SYT7: variants seen among roughly 807,000 people sequenced by gnomAD.
The protein encoded by SYT7 is synaptotagmin 7.
SYT7 carries 29 observed loss-of-function variants against 75.1 expected under a neutral mutation model. The ratio of observed to expected loss-of-function variants is 0.39; its 90% CI spans 0.29 to 0.53. SYT7 has a LOEUF of 0.53. Ranked by LOEUF, SYT7 falls within the 20% of genes least tolerant of loss-of-function variation. The pLI is 0.77. For missense variants in SYT7, 693 were observed against 953.2 expected, an observed-to-expected ratio of 0.73 and a Z score of 3.59; for synonymous variants, 376 against 401.7, an observed-to-expected ratio of 0.94 and a Z score of 0.76.
upstream of SYT7, among the ~76,000 whole-genome samples, chr11:61,582,448 G>A (rs543357255): frequency 1.3e-5 from 2 of 150,506 alleles, no homozygotes; most frequent in African/African-American, 2.4e-5. Flanking sequence ...AAGTCTCCCC[G>A]ACACACACAC....
chr11:61,556,030 G>T (rs1287216183), intron 2 of SYT7, 74 bp downstream of exon 2: 14 of 1,122,166 alleles, frequency 1.2e-5, no homozygotes, highest in Non-Finnish European at 1.5e-5. Flanking sequence ...GCCTGTAATT[G>T]TGTGTGTGTG....
intron 6 of SYT7, chr11:61,540,890 C>T: frequency 1.0e-6 from 1 of 985,512 alleles, no homozygotes; most frequent in Non-Finnish European, 1.2e-6. Flanking sequence ...ACCGGAGGCT[C>T]TTCTGGGCAT....
chr11:61,533,547 TC>T, intron 7 of SYT7: 1 of 985,412 alleles, frequency 1.0e-6, no homozygotes, highest in South Asian at 4.7e-5. Flanking sequence ...CAGGTGCCTC[TC>T]CGCGTCATTA....
intron 12 of SYT7, among the ~76,000 whole-genome samples, chr11:61,520,813 A>G (rs2062304005): frequency 6.6e-6 from 1 of 152,122 alleles, no homozygotes; most frequent in African/African-American, 2.4e-5. Context: ...ACAGAGTGAG[A>G]CTCTATCTCA....
chr11:61,547,319 A>T lies in SYT7; in HGVS notation c.216-11T>A. 1 of 1,529,680 alleles carries T rather than the reference A, an allele frequency of 6.5e-7. No homozygotes were observed. Among genetic ancestry groups the T allele is most frequent in the African/African-American group, 1.4e-5 (1 of 72,894 alleles). 94.8% of individuals were successfully genotyped at this position (1,529,680 alleles called of 1,614,324 possible). A position where few individuals can be genotyped will look rare whatever the true frequency, so the allele number is the denominator to read the frequency against. On this transcript the variant is annotated splice_polypyrimidine_tract_variant and intron_variant, in intron 3 of 12. Coordinates refer to ENST00000539008, the MANE Select transcript of SYT7 (RefSeq NM_001365809.2). The stretch of plus-strand genomic sequence containing the variant: ...TCTCTGTCTAGATCACTGGAGGGGC[A>T]GAGAGAGAGGGGAGAAAACAGGGAG...
At chr11:61,519,448 C>G (rs994490200) in intron 12 of SYT7, among the ~76,000 whole-genome samples, 4 of 152,164 alleles carry the variant, frequency 2.6e-5, no homozygotes, top group Non-Finnish European at 5.9e-5. Flanking sequence ...GTACATGGGG[C>G]CTTCTATAGG....
Position 61,514,476 on chromosome 11 carries a change from C to G in SYT7, c.*4151G>C, listed in dbSNP as rs916102655. Among the ~76,000 whole-genome samples, 1 of 152,226 alleles carries G rather than the reference C, an allele frequency of 6.6e-6. No individual in the cohort carries two copies. Among genetic ancestry groups the G allele is most frequent in the African/African-American group, 2.4e-5 (1 of 41,454 alleles). On this transcript the variant is annotated 3_prime_UTR_variant, in exon 13 of 13. Transcript: ENST00000539008. The stretch of plus-strand genomic sequence containing the variant: ...CTTCACTCCTGGTGGGGGCAGGGGC[C>G]AGCAGGTGGACACATGACAATGGGG...
chr11:61,587,640 T>C, the SYT7 span, among the ~76,000 whole-genome samples: 3 of 152,182 alleles, frequency 2.0e-5, no homozygotes, highest in African/African-American at 7.2e-5. Flanking sequence ...GCAGAATTCC[T>C]GGGGGGCGGG....
At chr11:61,540,811 T>G (rs1366331460) in intron 6 of SYT7, 6 of 985,294 alleles carry the variant, frequency 6.1e-6, no homozygotes, top group Non-Finnish European at 7.2e-6. Context: ...GCAGACCCAA[T>G]TCCCTCGACT....
At chr11:61,562,505 C>A (rs1490822339) in intron 1 of SYT7, among the ~76,000 whole-genome samples, 1 of 152,188 alleles carries the variant, frequency 6.6e-6, no homozygotes, top group Non-Finnish European at 1.5e-5. Flanking sequence ...TAGCTATTAT[C>A]ATAGCATTAT....
chr11:61,560,694 G>A (rs1164743612), intron 1 of SYT7, among the ~76,000 whole-genome samples: 1 of 152,176 alleles, frequency 6.6e-6, no homozygotes, highest in East Asian at 1.9e-4. Context: ...GTGCAAGCAT[G>A]TTCTCGCCTA....
rs2063057337 is a variant in SYT7, at chr11:61,542,066, G to A, written c.941+145C>T. The A allele has an allele frequency of 1.5e-5, 17 of 1,118,512 alleles. No individual in the cohort carries two copies. The highest frequency in any genetic ancestry group is 2.1e-5 in the Non-Finnish European group (17 of 818,596). 69.3% of individuals were successfully genotyped at this position (1,118,512 alleles called of 1,614,324 possible). ...CAGGCAGGAGCCACAAGAGGCTAAG[G>A]AGGGGGCTGCCAAGTCTGCTTGGCA... On this transcript the variant is annotated intron_variant, in intron 6 of 12. Coordinates refer to ENST00000539008, the MANE Select transcript of SYT7 (RefSeq NM_001365809.2). The surrounding 1 kb of genome is among the most constrained non-coding windows in gnomAD (Gnocchi z 7.8).
intron 5 of SYT7, among the ~76,000 whole-genome samples, chr11:61,543,308 T>C (rs943200799): frequency 6.6e-6 from 1 of 152,056 alleles, no homozygotes; most frequent in East Asian, 1.9e-4. Context: ...CAAGAAAGAG[T>C]GCACACAGGG....
chr11:61,546,186 C>G lies in SYT7; in HGVS notation c.417G>C (p.Leu139=). 1.3e-6 allele frequency: 2 copies of G among 1,519,214 alleles called. No individual in the cohort carries two copies. Among genetic ancestry groups the G allele is most frequent in the Non-Finnish European group, 1.8e-6 (2 of 1,140,360 alleles). 94.1% of individuals were successfully genotyped at this position (1,519,214 alleles called of 1,614,324 possible). ...AGLAVEREGR[L]GEKPAPVPPP... is the part of the protein sequence containing the mutation. ...GCGGCACCGGTGCCGGCTTCTCCCC[C>G]AGCCGGCCTTCCCGCTCCACCGCCA... The change falls in exon 5 of 13, where the codon CTG becomes CTC. Residue 139 remains leucine (L), a synonymous_variant. Transcript: ENST00000539008. This position sits in a 1 kb window ranked among gnomAD's most constrained non-coding sequence, Gnocchi z 7.6.
intron 1 of SYT7, among the ~76,000 whole-genome samples, chr11:61,571,826 G>A (rs2063929474): frequency 6.6e-6 from 1 of 152,212 alleles, no homozygotes; most frequent in African/African-American, 2.4e-5. Flanking sequence ...GAGCTCTCAA[G>A]ACCCTCGAGA....
chr11:61,538,363 G>GAGAC (rs2062938763), intron 6 of SYT7, 97 bp from the exon 7 acceptor site: 2 of 801,704 alleles, frequency 2.5e-6, no homozygotes, highest in Non-Finnish European at 3.8e-6. Context: ...GAGAGAGAGA[G>GAGAC]AGAGAGAGAG....
chr11:61,548,191 C>T (rs2063246562), intron 3 of SYT7, among the ~76,000 whole-genome samples: 1 of 152,238 alleles, frequency 6.6e-6, no homozygotes, highest in Non-Finnish European at 1.5e-5. Flanking sequence ...CAGGGGGCCC[C>T]TCGGTCCTTT....
rs562017383 is a variant in SYT7, at chr11:61,546,801, G to A, written c.347+376C>T. The A allele has an allele frequency of 1.8e-4, 68 of 374,124 alleles. No individual in the cohort carries two copies. The East Asian group carries it at 5.0e-3, about 28-fold the overall frequency. The allele number at this position is 374,124 out of a possible 1,614,324, so 23.2% of individuals were successfully genotyped here. A position where few individuals can be genotyped will look rare whatever the true frequency, so the allele number is the denominator to read the frequency against. The stretch of plus-strand genomic sequence containing the variant: ...CACCGACCACCGAGCAGCCACGGCA[G>A]CACACAGCGGGGAGGAAGAAGCGAC... On this transcript the variant is annotated intron_variant, in intron 4 of 12. Coordinates refer to ENST00000539008, the MANE Select transcript of SYT7 (RefSeq NM_001365809.2). This position sits in a 1 kb window ranked among gnomAD's most constrained non-coding sequence, Gnocchi z 7.6.
At chr11:61,578,630 G>A (rs2064151080) in intron 1 of SYT7, among the ~76,000 whole-genome samples, 1 of 152,156 alleles carries the variant, frequency 6.6e-6, no homozygotes, top group Non-Finnish European at 1.5e-5. Flanking sequence ...AATCTGACCT[G>A]GAACTATAGA....
Sources: allele counts gnomAD v4.1 joint callset (sites outside exome capture counted in the v4.1 genomes callset), GRCh38; gene constraint gnomAD v4.1.1; non-coding constraint Gnocchi (gnomAD v3.1); transcripts MANE v1.5; gene names NCBI Gene and HGNC (gene_info 2026-07-23, HGNC 2026-07-21).